FRMD3: variants seen among roughly 807,000 people sequenced by gnomAD.
FRMD3 encodes FERM domain containing 3, also known as FERM domain-containing protein 3.
A neutral mutation model predicts 70.2 loss-of-function variants in FRMD3; 33 were observed. The ratio of observed to expected loss-of-function variants is 0.47; its 90% confidence interval spans 0.36 to 0.63. FRMD3 has a LOEUF of 0.63. FRMD3 is among the 20% of genes least tolerant of loss of function. The pLI, the probability that FRMD3 is intolerant of heterozygous loss-of-function variation, is 0.00. For synonymous variants in FRMD3, 279 were observed against 255.9 expected (o/e 1.09, Z -0.86); for missense variants, 632 against 711.4 (o/e 0.89, Z 1.27).
chr9:83,510,549 C>G (rs534114648), intron 1 of FRMD3, among the ~76,000 whole-genome samples: 1 of 152,312 alleles, frequency 6.6e-6, no homozygotes, highest in East Asian at 1.9e-4. Context: ...TATGTCCACA[C>G]AAAAACCCAT....
chr9:83,389,654 G>T lies in FRMD3; in HGVS notation c.202C>A (p.Leu68Met), dbSNP rs759174324. ...CGAATGCCAAAGTAGTCCTTCTCCA[G>T]CAGGCTGTAGTAGTTGCAGATGTGG... ...IDHICNYYSLLEKDYFGIRYV... is the reference protein window; with the variant it reads ...IDHICNYYSLMEKDYFGIRYV... The change falls in exon 2 of 14, where the codon CTG becomes ATG. Residue 68 changes from leucine (L) to methionine (M), a missense_variant. Coordinates refer to ENST00000304195, the MANE Select transcript of FRMD3 (RefSeq NM_174938.6). 3.1e-6 allele frequency: 5 copies of T among 1,613,960 alleles called. No homozygotes were observed. Among genetic ancestry groups the T allele is most frequent in the Admixed American group, 3.3e-5 (2 of 60,008 alleles).
intron 1 of FRMD3, among the ~76,000 whole-genome samples, chr9:83,397,549 A>G (rs1341095852): frequency 6.6e-6 from 1 of 152,166 alleles, no homozygotes; most frequent in Non-Finnish European, 1.5e-5. Flanking sequence ...CAAGGGCCAG[A>G]GGAGTTGGAA....
the FRMD3 span, among the ~76,000 whole-genome samples, chr9:83,571,867 A>G: frequency 6.6e-6 from 1 of 152,236 alleles, no homozygotes; most frequent in African/African-American, 2.4e-5. Flanking sequence ...GAGAAGAGAA[A>G]TTGGAGTCAA....
Position 83,246,937 on chromosome 9 carries a change from C to G in FRMD3, c.*981G>C. 1 of 985,444 alleles carries G rather than the reference C, an allele frequency of 1.0e-6. No individual in the cohort carries two copies. The highest frequency in any genetic ancestry group is 1.2e-6 in the Non-Finnish European group (1 of 829,936). The allele number at this position is 985,444 out of a possible 1,614,324, so 61.0% of individuals were successfully genotyped here. On this transcript the variant is annotated 3_prime_UTR_variant, in exon 14 of 14. Transcript: ENST00000304195. ...GCCTCACCAGAACTCATTTTTGCCA[C>G]TTTCCATTTCTCCAGTTCCTATCTG...
intron 3 of FRMD3, among the ~76,000 whole-genome samples, chr9:83,353,023 C>T (rs1035948448): frequency 5.3e-5 from 8 of 152,090 alleles, no homozygotes; most frequent in South Asian, 2.1e-4. Flanking sequence ...TGAGAGCTGG[C>T]GGCAGGAAAA....
chr9:83,404,147 T>C (rs1357681841), intron 1 of FRMD3, among the ~76,000 whole-genome samples: 1 of 152,080 alleles, frequency 6.6e-6, no homozygotes, highest in Non-Finnish European at 1.5e-5. Context: ...CTGGAAGATG[T>C]AGGCTGGGCT....
intron 1 of FRMD3, among the ~76,000 whole-genome samples, chr9:83,440,370 G>T (rs891069296): frequency 6.6e-6 from 1 of 152,220 alleles, no homozygotes; most frequent in Non-Finnish European, 1.5e-5. Flanking sequence ...AATGTCCAAA[G>T]AGAGTAATGG....
intron 12 of FRMD3, chr9:83,297,791 A>T (rs746977723): frequency 1.8e-4 from 83 of 471,708 alleles, no homozygotes; most frequent in Admixed American, 7.5e-4. Flanking sequence ...ACCCCAAAGC[A>T]GGAACAAATT....
At chr9:83,562,047 A>C in the FRMD3 span, among the ~76,000 whole-genome samples, 1 of 152,202 alleles carries the variant, frequency 6.6e-6, no homozygotes, top group Admixed American at 6.5e-5. Flanking sequence ...GTATATTTGG[A>C]GAATAAAGGA....
chr9:83,340,927 A>G (rs1823733751), intron 5 of FRMD3, among the ~76,000 whole-genome samples: 1 of 152,228 alleles, frequency 6.6e-6, no homozygotes, highest in Non-Finnish European at 1.5e-5. Context: ...CTCAGAATAT[A>G]CTGAAGCTTA....
the FRMD3 span, among the ~76,000 whole-genome samples, chr9:83,567,326 T>A: frequency 8.5e-5 from 13 of 152,196 alleles, no homozygotes; most frequent in Non-Finnish European, 1.5e-4. Flanking sequence ...GGGCCTGGCC[T>A]ACAAAACCAC....
chr9:83,370,151 A>G (rs1268316357), intron 3 of FRMD3, among the ~76,000 whole-genome samples: 1 of 152,190 alleles, frequency 6.6e-6, no homozygotes, highest in Non-Finnish European at 1.5e-5. Flanking sequence ...TGCCTACTGA[A>G]AGGTGATACG....
intron 1 of FRMD3, among the ~76,000 whole-genome samples, chr9:83,505,347 C>G (rs917153750): frequency 1.3e-5 from 2 of 152,098 alleles, no homozygotes; most frequent in Admixed American, 6.5e-5. Context: ...TGAAAGTGCT[C>G]GAGAAGGACA....
At chr9:83,347,486 T>C (rs972188924) in intron 4 of FRMD3, among the ~76,000 whole-genome samples, 1 of 152,220 alleles carries the variant, frequency 6.6e-6, no homozygotes, top group African/African-American at 2.4e-5. Context: ...ACATTCTTTT[T>C]GTAACATTCA....
At chr9:83,307,327 C>T (rs138501377) in intron 10 of FRMD3, among the ~76,000 whole-genome samples, 293 of 152,284 alleles carry the variant, frequency 1.9e-3, no homozygotes, top group African/African-American at 6.7e-3. Context: ...TAGGTATATG[C>T]CCAAGAGAAC....
chr9:83,363,603 G>C (rs1407399516), intron 3 of FRMD3, among the ~76,000 whole-genome samples: 2 of 142,346 alleles, frequency 1.4e-5, no homozygotes, highest in South Asian at 2.2e-4. Flanking sequence ...GCCCAGGCTG[G>C]AGTGCAGTGG....
chr9:83,575,652 T>G, the FRMD3 span, among the ~76,000 whole-genome samples: 1 of 152,178 alleles, frequency 6.6e-6, no homozygotes, highest in Non-Finnish European at 1.5e-5. Context: ...TTGGATAACT[T>G]AGGTCAAATA....
the FRMD3 span, among the ~76,000 whole-genome samples, chr9:83,578,538 G>A: frequency 6.6e-6 from 1 of 151,882 alleles, no homozygotes; most frequent in Non-Finnish European, 1.5e-5. Flanking sequence ...ATCTATAAAT[G>A]TGATATACCA....
At chr9:83,470,035 A>G (rs1828230120) in intron 1 of FRMD3, among the ~76,000 whole-genome samples, 2 of 152,226 alleles carry the variant, frequency 1.3e-5, no homozygotes, top group Non-Finnish European at 2.9e-5. Context: ...AAACCATTAA[A>G]TCTGGCTGAG....
Sources: gnomAD v4.1 joint callset for allele counts (sites outside exome capture counted in the v4.1 genomes callset) on GRCh38, gnomAD v4.1.1 for gene constraint, MANE v1.5 for transcripts, NCBI Gene and HGNC (gene_info 2026-07-23, HGNC 2026-07-21) for gene names.